Variants in ITGA1 observed in about 807,000 individuals in gnomAD.
ITGA1 encodes the protein integrin alpha-1.
In ITGA1, 85 loss-of-function variants were observed where a neutral mutation model predicts 145.9. The observed-to-expected ratio is 0.58, with a 90% CI of 0.49 to 0.70. The LOEUF (loss-of-function observed/expected upper bound fraction) is 0.70, where lower values mean the gene tolerates loss of function less well. Among genes scored for constraint, ITGA1 ranks in the 30% least tolerant of loss-of-function variants. ITGA1 has a pLI of 0.00. For synonymous variants in ITGA1, 520 were observed against 495.3 expected (o/e 1.05, Z -0.66); for missense variants, 1,351 against 1,418.7 (o/e 0.95, Z 0.77).
chr5:52,871,973 T>A (rs1447421422), intron 6 of ITGA1, among the ~76,000 whole-genome samples: 1 of 152,188 alleles, frequency 6.6e-6, no homozygotes, highest in African/African-American at 2.4e-5. Context: ...ACATTGCTTT[T>A]AATAATAAAT....
intron 1 of ITGA1, among the ~76,000 whole-genome samples, chr5:52,822,861 T>TA (rs1187076417): frequency 1.3e-5 from 2 of 152,186 alleles, no homozygotes; most frequent in African/African-American, 4.8e-5. Flanking sequence ...TTTTCTGCTC[T>TA]AGGTTTGGTC....
At chr5:52,915,429 TC>T in intron 14 of ITGA1, 34 bp from the exon 15 acceptor site, 1 of 1,603,784 alleles carries the variant, frequency 6.2e-7, no homozygotes, top group Non-Finnish European at 8.5e-7. Flanking sequence ...AACAGACTCT[TC>T]TCATATGAAA....
chr5:52,802,019 C>T, intron 1 of ITGA1: 1 of 540,480 alleles, frequency 1.9e-6, no homozygotes, highest in Non-Finnish European at 3.3e-6. Context: ...AAACAATAAA[C>T]TAAAAGGAAA....
chr5:52,914,261 G>A (rs1318080783), intron 14 of ITGA1, among the ~76,000 whole-genome samples: 1 of 152,152 alleles, frequency 6.6e-6, no homozygotes, highest in Admixed American at 6.6e-5. Flanking sequence ...AACCAGAGAT[G>A]CTGCTTATGT....
chr5:52,913,673 A>T (rs1750601299), intron 14 of ITGA1, among the ~76,000 whole-genome samples: 1 of 152,328 alleles, frequency 6.6e-6, no homozygotes, highest in South Asian at 2.1e-4. Context: ...AACAGAATTC[A>T]CTACCTTCTA....
chr5:52,876,545 T>G (rs1484235888), intron 6 of ITGA1, among the ~76,000 whole-genome samples: 2 of 152,134 alleles, frequency 1.3e-5, no homozygotes, highest in African/African-American at 4.8e-5. Context: ...TTTCCCAGAC[T>G]TCGTTGTATC....
intron 3 of ITGA1, among the ~76,000 whole-genome samples, chr5:52,862,305 G>A (rs538625411): frequency 5.9e-5 from 9 of 151,584 alleles, no homozygotes; most frequent in Non-Finnish European, 7.4e-5. Context: ...CAGAATGGTC[G>A]AGCGGTCTAA....
intron 1 of ITGA1, among the ~76,000 whole-genome samples, chr5:52,818,995 C>CTATG (rs1554041537): frequency 2.0e-5 from 3 of 152,128 alleles, no homozygotes; most frequent in East Asian, 1.9e-4. Flanking sequence ...CCCTCCTGTA[C>CTATG]TATGCCCTTG....
intron 11 of ITGA1, chr5:52,904,192 C>G (rs1441094816): frequency 6.6e-6 from 1 of 152,228 alleles, no homozygotes; most frequent in Non-Finnish European, 1.5e-5. Context: ...GTTGCACATG[C>G]ATACAAATGT....
chr5:52,933,911 A>C lies in ITGA1; in HGVS notation c.2879A>C (p.His960Pro). 1 of 1,514,828 alleles carries C rather than the reference A, an allele frequency of 6.6e-7. No homozygotes were observed. Among genetic ancestry groups the C allele is most frequent in the Non-Finnish European group, 8.9e-7 (1 of 1,122,846 alleles). 93.8% of individuals were successfully genotyped at this position (1,514,828 alleles called of 1,614,324 possible). ...LQFYSSASEY[H>P]ISIAANETVP... is the part of the protein sequence containing the mutation. ...TTTTTAAGCTCTGCAAGTGAATACCACATTTCAATTGCTGCCAATGAGACA... is the reference window on the plus strand; with the variant it reads ...TTTTTAAGCTCTGCAAGTGAATACCCCATTTCAATTGCTGCCAATGAGACA... Residue 960 changes from histidine to proline, a missense_variant, in exon 23 of 29, where the codon CAC becomes CCC. Transcript: ENST00000282588.
intron 2 of ITGA1, among the ~76,000 whole-genome samples, chr5:52,851,542 G>A (rs1749432086): frequency 6.6e-6 from 1 of 152,132 alleles, no homozygotes; most frequent in Non-Finnish European, 1.5e-5. Context: ...AGAAAGTTAA[G>A]GTATGGATGA....
intron 26 of ITGA1, among the ~76,000 whole-genome samples, chr5:52,940,544 G>A (rs2111901547): frequency 1.3e-5 from 2 of 151,782 alleles, no homozygotes; most frequent in Middle Eastern, 6.8e-3. Flanking sequence ...GAGTAGCTGG[G>A]ACTACAGGCG....
intron 26 of ITGA1, among the ~76,000 whole-genome samples, chr5:52,944,445 A>G (rs1321413270): frequency 1.3e-5 from 2 of 152,062 alleles, no homozygotes; most frequent in Non-Finnish European, 2.9e-5. Flanking sequence ...GCCTCTCCAC[A>G]CACTTGCGGT....
Position 52,864,975 on chromosome 5 carries a change from G to A in ITGA1, c.389G>A (p.Cys130Tyr). ...TTTTAAAACAATTTTTTAAAGGCTT[G>A]TGGGCCCTTATATGCCTATAGATGT... ...VTNPNGGFLA[C>Y]GPLYAYRCGH... Residue 130 changes from cysteine (C) to tyrosine (Y), a missense_variant, in exon 5 of 29, where the codon TGT becomes TAT. Transcript: ENST00000282588. 2 of 1,608,312 alleles carry A rather than the reference G, an allele frequency of 1.2e-6. No individual in the cohort carries two copies. The highest frequency in any genetic ancestry group is 1.1e-5 in the South Asian group (1 of 89,702).
chr5:52,866,897 G>A (rs1749695670), intron 6 of ITGA1: 1 of 152,166 alleles, frequency 6.6e-6, no homozygotes, highest in African/African-American at 2.4e-5. Context: ...TGAAGTCAAT[G>A]CCTCAGGTCA....
intron 6 of ITGA1, among the ~76,000 whole-genome samples, chr5:52,876,989 G>C (rs1320719976): frequency 1.5e-4 from 23 of 152,116 alleles, no homozygotes; most frequent in Admixed American, 1.5e-3. Context: ...TCCTGAAGAT[G>C]GGGGTGAATG....
At chr5:52,854,693 G>A (rs953683023) in intron 2 of ITGA1, among the ~76,000 whole-genome samples, 3 of 152,062 alleles carry the variant, frequency 2.0e-5, no homozygotes, top group Non-Finnish European at 4.4e-5. Flanking sequence ...CTTTTGCAGG[G>A]AAGAAAACAT....
rs1471624271 is a variant in ITGA1, at chr5:52,956,111, T to C, written c.*3660T>C. ...TCAATGGAGTAAAGCTGGGGTATAG[T>C]AGAGGCTGGGGAATCCCTGCCCATG... On this transcript the variant is annotated 3_prime_UTR_variant, in exon 29 of 29. Transcript: ENST00000282588. The C allele has an allele frequency of 6.6e-6, 1 of 152,114 alleles. No individual in the cohort carries two copies. The highest frequency in any genetic ancestry group is 2.4e-5 in the African/African-American group (1 of 41,428). 9.4% of individuals were successfully genotyped at this position (152,114 alleles called of 1,614,324 possible).
At position 52,864,788 on chromosome 5, in the gene ITGA1, A is replaced by C; in HGVS notation, c.321A>C (p.Thr107=). The C allele has an allele frequency of 6.2e-7, 1 of 1,611,464 alleles. No homozygotes were observed. The highest frequency in any genetic ancestry group is 1.3e-5 in the African/African-American group (1 of 74,966). Residue 107 remains threonine (T), a synonymous_variant, in exon 4 of 29, where the codon ACA becomes ACC. Transcript: ENST00000282588. Reference sequence around the variant, plus strand: ...TTAATACATCAATTCCCAATGTCACAGAAGTAAAGGAGAACATGACATTTG... The same window carrying C: ...TTAATACATCAATTCCCAATGTCACCGAAGTAAAGGAGAACATGACATTTG... ...LPVNTSIPNV[T]EVKENMTFGS...
Sources: allele counts gnomAD v4.1 joint callset (sites outside exome capture counted in the v4.1 genomes callset), GRCh38; gene constraint gnomAD v4.1.1; transcripts MANE v1.5; gene names NCBI Gene and HGNC (gene_info 2026-07-23, HGNC 2026-07-21).